Variants in TAS2R1 observed in about 807,000 individuals in gnomAD.
TAS2R1 encodes taste receptor type 2 member 1.
For synonymous variants in TAS2R1, 141 were observed against 134.2 expected (o/e 1.05, Z -0.35); for missense variants, 370 against 353.4 (o/e 1.05, Z -0.38).
chr5:9,663,467 T>G (rs993812263), intron 1 of TAS2R1, among the ~76,000 whole-genome samples: 3 of 152,170 alleles, frequency 2.0e-5, no homozygotes, highest in African/African-American at 7.2e-5. Context: ...GACGTAAATT[T>G]TTTTCTTCTA....
intron 1 of TAS2R1, among the ~76,000 whole-genome samples, chr5:9,668,409 A>AACCCC (rs548401725): frequency 1.2e-3 from 178 of 152,304 alleles, no homozygotes; most frequent in African/African-American, 4.1e-3. Context: ...AAATGCAGAG[A>AACCCC]ACCCCTGCAA....
chr5:9,747,994 G>A, the TAS2R1 span, among the ~76,000 whole-genome samples: 3 of 152,090 alleles, frequency 2.0e-5, no homozygotes, highest in Non-Finnish European at 4.4e-5. Flanking sequence ...TGTCTTCACT[G>A]TAATGGGATG....
chr5:9,839,653 C>A, the TAS2R1 span, among the ~76,000 whole-genome samples: 44 of 152,230 alleles, frequency 2.9e-4, no homozygotes, highest in African/African-American at 1.0e-3. Context: ...AATGAACAGA[C>A]AAAATTCTTC....
rs571536815 is a variant in TAS2R1 at position 9,705,866 on chromosome 5, C to A, written c.-242+6306G>T. 1.8e-4 allele frequency among the ~76,000 whole-genome samples: 27 copies of A among 151,894 alleles called. No homozygotes were observed. The East Asian group carries it at 2.1e-3, about 12-fold the overall frequency. ...GACAAGAGTGAAACTCCATCCCCCC[C>A]CAAAAAAAGACTTTTAGTGCTAAAA... On this transcript the variant is annotated intron_variant, in intron 1 of 2. Transcript: ENST00000506620.
chr5:9,888,487 G>C, the TAS2R1 span, among the ~76,000 whole-genome samples: 4 of 152,142 alleles, frequency 2.6e-5, no homozygotes, highest in South Asian at 2.1e-4. Context: ...ACAGCCTGCT[G>C]AACTATTTTA....
chr5:9,805,921 TAAGG>T, the TAS2R1 span, among the ~76,000 whole-genome samples: 1 of 151,724 alleles, frequency 6.6e-6, no homozygotes, highest in Admixed American at 6.6e-5. Context: ...AGAAAGAAAT[TAAGG>T]ACATCCAGGT....
chr5:9,876,309 T>C, the TAS2R1 span, among the ~76,000 whole-genome samples: 2 of 152,066 alleles, frequency 1.3e-5, no homozygotes, highest in Non-Finnish European at 1.5e-5. Flanking sequence ...GGTGGCTGCA[T>C]TCAGAGGACA....
chr5:9,790,105 A>G, the TAS2R1 span, among the ~76,000 whole-genome samples: 2 of 152,220 alleles, frequency 1.3e-5, no homozygotes, highest in Non-Finnish European at 2.9e-5. Context: ...TGCAATGCAC[A>G]AAGGACAGGC....
At chr5:9,750,134 G>A in the TAS2R1 span, among the ~76,000 whole-genome samples, 6 of 152,204 alleles carry the variant, frequency 3.9e-5, no homozygotes, top group South Asian at 6.2e-4. Flanking sequence ...AGTTTAGGGC[G>A]TTATTCCTCC....
In TAS2R1 at chr5:9,637,825, T is replaced by C. The variant is rs182583269; in HGVS notation, c.-80-7833A>G. Among the ~76,000 whole-genome samples, 6 of 152,324 alleles carry C rather than the reference T, an allele frequency of 3.9e-5. No individual in the cohort carries two copies. The East Asian group carries it at 9.6e-4, about 24-fold the overall frequency. ...ATTTATTTTGATAATTTTTCATCCA[T>C]ATCCTACATTTTTAAAATTTCTTTA... On this transcript the variant is annotated intron_variant, in intron 2 of 2. Transcript: ENST00000506620.
Position 9,629,961 on chromosome 5 carries a change from A to G in TAS2R1, c.72T>C (p.Asn24=). ...VIQFLLGIFT[N]GIIVVVNGID... is the part of the protein sequence containing the mutation. ...TGCCATTCACCACCACAATGATGCC[A>G]TTTGTGAAAATCCCAAGAAGAAATT... The change falls in exon 1 of 1, where the codon AAT becomes AAC. Residue 24 remains asparagine (N), a synonymous_variant. Coordinates refer to ENST00000382492, the MANE Select transcript of TAS2R1 (RefSeq NM_019599.3). 1 of 1,607,246 alleles carries G rather than the reference A, an allele frequency of 6.2e-7. No individual in the cohort carries two copies. Among genetic ancestry groups the G allele is most frequent in the South Asian group, 1.1e-5 (1 of 89,534 alleles).
chr5:9,728,253 C>T, the TAS2R1 span, among the ~76,000 whole-genome samples: 1 of 152,238 alleles, frequency 6.6e-6, no homozygotes, highest in Middle Eastern at 3.4e-3. Flanking sequence ...ACATTATCTA[C>T]AAATAACAAC....
At chr5:9,691,165 C>T (rs1255097218) in intron 1 of TAS2R1, among the ~76,000 whole-genome samples, 2 of 152,166 alleles carry the variant, frequency 1.3e-5, no homozygotes, top group East Asian at 3.9e-4. Context: ...CCCCTCAATC[C>T]GGTCACATGT....
rs1739790997 is a variant in TAS2R1 at position 9,628,136 on chromosome 5, CTA to C, written c.*995_*996del. 7.5e-6 allele frequency among the ~76,000 whole-genome samples: 1 copy of C among 133,190 alleles called. No homozygotes were observed. Among genetic ancestry groups the C allele is most frequent in the South Asian group, 2.2e-4 (1 of 4,534 alleles). 87.4% of individuals were successfully genotyped at this position (133,190 alleles called of 152,430 possible). A position where few individuals can be genotyped will look rare whatever the true frequency, so the allele number is the denominator to read the frequency against. The stretch of plus-strand genomic sequence containing the variant: ...ATATCTATCTCCATAATTTATCTAT[CTA>C]TCTATCTATCTATCTATCTATCTAT... On this transcript the variant is annotated 3_prime_UTR_variant, in exon 1 of 1. Coordinates refer to ENST00000382492, the MANE Select transcript of TAS2R1 (RefSeq NM_019599.3).
intron 1 of TAS2R1, among the ~76,000 whole-genome samples, chr5:9,693,547 A>AAAAAAG (rs1554054255): frequency 4.4e-5 from 6 of 136,794 alleles, no homozygotes; most frequent in Non-Finnish European, 7.7e-5. Context: ...AAAAAAAAAA[A>AAAAAAG]AGAGAGAGAA....
the TAS2R1 span, among the ~76,000 whole-genome samples, chr5:9,790,503 AATC>A: frequency 6.6e-6 from 1 of 152,240 alleles, no homozygotes; most frequent in African/African-American, 2.4e-5. Context: ...GGCAAGCATA[AATC>A]ATCATCATTT....
intron 1 of TAS2R1, among the ~76,000 whole-genome samples, chr5:9,685,469 ATAT>A (rs1183801630): frequency 1.3e-5 from 2 of 152,152 alleles, no homozygotes; most frequent in Admixed American, 1.3e-4. Flanking sequence ...ATAATATCAC[ATAT>A]TATGTTATAT....
the TAS2R1 span, among the ~76,000 whole-genome samples, chr5:9,854,846 T>C: frequency 1.3e-5 from 2 of 152,228 alleles, no homozygotes; most frequent in Non-Finnish European, 2.9e-5. Context: ...ATTCAGCCCA[T>C]ATTAACCAGG....
chr5:9,629,994 T>G lies in TAS2R1; in HGVS notation c.39A>C (p.Ala13=). Residue 13 remains alanine (A), a synonymous_variant, in exon 1 of 1, where the codon GCA becomes GCC. Transcript: ENST00000382492. ...AAATCCCAAGAAGAAATTGTATCAC[T>G]GCAAGAAGAAAATAGATAATGAGGT... is the stretch of plus-strand genomic sequence containing the variant. ...ESHLIIYFLL[A]VIQFLLGIFT... is the part of the protein sequence containing the mutation. 1 of 1,589,786 alleles carries G rather than the reference T, an allele frequency of 6.3e-7. No individual in the cohort carries two copies. Among genetic ancestry groups the G allele is most frequent in the Non-Finnish European group, 8.5e-7 (1 of 1,171,500 alleles).
Sources: allele counts gnomAD v4.1 joint callset (sites outside exome capture counted in the v4.1 genomes callset), GRCh38; gene constraint gnomAD v4.1.1; transcripts MANE v1.5; gene names NCBI Gene and HGNC (gene_info 2026-07-23, HGNC 2026-07-21).